CPNE5: variants seen among roughly 807,000 people sequenced by gnomAD.
The protein encoded by CPNE5 is copine-5.
CPNE5 carries 42 observed loss-of-function variants against 81.1 expected under a neutral mutation model. That is an observed-to-expected ratio of 0.52 (90% CI 0.40 to 0.67). The LOEUF is 0.67. Ranked by LOEUF, CPNE5 falls within the 30% of genes least tolerant of loss-of-function variation. The probability of loss-of-function intolerance (pLI) is 0.00; values close to 1 mark genes in which losing one functional copy is unlikely to be tolerated. For synonymous variants in CPNE5, 313 were observed against 321.5 expected, an observed-to-expected ratio of 0.97 and a Z score of 0.28; for missense variants, 612 against 815.5, an observed-to-expected ratio of 0.75 and a Z score of 3.04.
intron 1 of CPNE5, among the ~76,000 whole-genome samples, chr6:36,829,394 G>C (rs1256476118): frequency 1.3e-5 from 2 of 152,174 alleles, no homozygotes; most frequent in African/African-American, 4.8e-5. Flanking sequence ...CTACTCAAGA[G>C]GCTGGGGTGG....
At chr6:36,806,852 G>A (rs149907293) in intron 3 of CPNE5, among the ~76,000 whole-genome samples, 76 of 152,320 alleles carry the variant, frequency 5.0e-4, no homozygotes, top group Middle Eastern at 3.4e-3. Context: ...TGGGACGTGG[G>A]ATCTCAGCAC....
chr6:36,808,682 G>T (rs1015544503), intron 3 of CPNE5, among the ~76,000 whole-genome samples: 1 of 152,184 alleles, frequency 6.6e-6, no homozygotes. Context: ...GAAGGGACAT[G>T]CAGGGAGTGT....
At chr6:36,791,895 T>C (rs2150506614) in intron 8 of CPNE5, 138 bp downstream of exon 8, 1 of 758,090 alleles carries the variant, frequency 1.3e-6, no homozygotes. Context: ...GCTCTGATGT[T>C]GCAAAATTCT....
At position 36,775,032 on chromosome 6, in the gene CPNE5, C is replaced by T; in HGVS notation, c.666G>A (p.Lys222=). ...FTICHKTEVM[K]NTLNPVWQTF... ...TTTGCCAGACTGGATTTAGGGTGTTCTTCATGACCTCGGTCTTGTGGCAAA... is the reference window on the plus strand; with the variant it reads ...TTTGCCAGACTGGATTTAGGGTGTTTTTCATGACCTCGGTCTTGTGGCAAA... Residue 222 remains lysine, a synonymous_variant, in exon 10 of 21, where the codon AAG becomes AAA. Transcript: ENST00000244751. 1 of 1,614,170 alleles carries T rather than the reference C, an allele frequency of 6.2e-7. No homozygotes were observed.
intron 1 of CPNE5, among the ~76,000 whole-genome samples, chr6:36,830,271 G>A (rs552744989): frequency 2.0e-5 from 3 of 152,298 alleles, no homozygotes; most frequent in East Asian, 1.9e-4. Flanking sequence ...GCAATGCTCC[G>A]TCTTATCCTC....
intron 13 of CPNE5, chr6:36,756,039 G>C: frequency 1.7e-6 from 1 of 572,906 alleles, no homozygotes; most frequent in Non-Finnish European, 3.1e-6. Flanking sequence ...GATACAGCCA[G>C]CGCCTGTTGT....
chr6:36,744,952 C>T, intron 18 of CPNE5, 96 bp downstream of exon 18: 1 of 840,054 alleles, frequency 1.2e-6, no homozygotes, highest in Non-Finnish European at 2.0e-6. Flanking sequence ...CAAGCATTTC[C>T]CTAAGGTCAA....
At chr6:36,756,178 G>A (rs912682747) in intron 13 of CPNE5, 67 bp downstream of exon 13, 2 of 1,424,064 alleles carry the variant, frequency 1.4e-6, no homozygotes, top group Non-Finnish European at 2.0e-6. Flanking sequence ...GGGCCTCCCT[G>A]ATACCAGACC....
chr6:36,743,476 G>A (rs1370425108), intron 20 of CPNE5, among the ~76,000 whole-genome samples: 1 of 152,240 alleles, frequency 6.6e-6, no homozygotes, highest in Admixed American at 6.5e-5. Context: ...TGTTAGGAGT[G>A]TGTCCCAGAT....
chr6:36,762,418 C>A (rs751717667), intron 12 of CPNE5, among the ~76,000 whole-genome samples: 6 of 152,084 alleles, frequency 3.9e-5, no homozygotes, highest in African/African-American at 9.7e-5. Context: ...TCCAGAGAGA[C>A]CAGGTGCCTT....
At chr6:36,803,553 A>G (rs1457408890) in intron 3 of CPNE5, among the ~76,000 whole-genome samples, 1 of 152,198 alleles carries the variant, frequency 6.6e-6, no homozygotes, top group Non-Finnish European at 1.5e-5. Flanking sequence ...TATTGAACAC[A>G]TGCAATGCAC....
rs761615022 is a variant in CPNE5 at position 36,763,000 on chromosome 6, G to C, written c.780-8C>G. On this transcript the variant is annotated splice_polypyrimidine_tract_variant and splice_region_variant and intron_variant, in intron 11 of 20. Transcript: ENST00000244751. ...TCCCCAATGAAGTCATGGCTGCAAG[G>C]GAAGACGGCTGCTGAGACCAAGGCC... The C allele has an allele frequency of 2.7e-5, 43 of 1,613,758 alleles. No individual in the cohort carries two copies. The highest frequency in any genetic ancestry group is 3.4e-5 in the Non-Finnish European group (40 of 1,179,800).
chr6:36,762,998 A>C lies in CPNE5; in HGVS notation c.780-6T>G, dbSNP rs199875907. The stretch of plus-strand genomic sequence containing the variant: ...ACTCCCCAATGAAGTCATGGCTGCA[A>C]GGGAAGACGGCTGCTGAGACCAAGG... On this transcript the variant is annotated splice_polypyrimidine_tract_variant and splice_region_variant and intron_variant, in intron 11 of 20. Transcript: ENST00000244751. The C allele has an allele frequency of 1.2e-6, 2 of 1,613,990 alleles. No individual in the cohort carries two copies. The highest frequency in any genetic ancestry group is 2.2e-5 in the South Asian group (2 of 91,082).
At chr6:36,768,346 C>A (rs1354596661) in intron 10 of CPNE5, among the ~76,000 whole-genome samples, 1 of 149,226 alleles carries the variant, frequency 6.7e-6, no homozygotes, top group Non-Finnish European at 1.5e-5. Flanking sequence ...GCAATTCTGC[C>A]TCAGCCTCCT....
At chr6:36,808,051 C>G (rs371291628) in intron 3 of CPNE5, among the ~76,000 whole-genome samples, 1 of 152,054 alleles carries the variant, frequency 6.6e-6, no homozygotes, top group East Asian at 1.9e-4. Context: ...AAAGGCAGCC[C>G]AGGAAGAGGT....
At chr6:36,806,906 T>C (rs533770007) in intron 3 of CPNE5, among the ~76,000 whole-genome samples, 15 of 152,356 alleles carry the variant, frequency 9.8e-5, no homozygotes, top group African/African-American at 3.6e-4. Context: ...TCAGGGGCCA[T>C]GGCCCCCCAA....
At chr6:36,764,790 T>G (rs968354160) in intron 11 of CPNE5, among the ~76,000 whole-genome samples, 9 of 152,020 alleles carry the variant, frequency 5.9e-5, no homozygotes, top group Admixed American at 5.9e-4. Context: ...CACAGCCCAT[T>G]CCCTCAGTCC....
At chr6:36,810,888 G>C (rs930649819) in intron 3 of CPNE5, among the ~76,000 whole-genome samples, 2 of 152,202 alleles carry the variant, frequency 1.3e-5, no homozygotes, top group African/African-American at 2.4e-5. Context: ...CAGGGGCCCT[G>C]AGTTAGGGAA....
At chr6:36,807,842 C>T (rs1329123484) in intron 3 of CPNE5, among the ~76,000 whole-genome samples, 3 of 152,170 alleles carry the variant, frequency 2.0e-5, no homozygotes, top group Non-Finnish European at 4.4e-5. Context: ...CTTAGTACCC[C>T]AGGCCTCAGT....
Sources: allele counts gnomAD v4.1 joint callset (sites outside exome capture counted in the v4.1 genomes callset), GRCh38; gene constraint gnomAD v4.1.1; transcripts MANE v1.5; gene names NCBI Gene and HGNC (gene_info 2026-07-23, HGNC 2026-07-21).